SCD5: variants seen among roughly 807,000 people sequenced by gnomAD.
SCD5 encodes acyl-CoA-desaturase 4.
A neutral mutation model predicts 30.4 loss-of-function variants in SCD5; 20 were observed. The ratio of observed to expected loss-of-function variants is 0.66; its 90% CI spans 0.46 to 0.96. SCD5 has a LOEUF of 0.96. SCD5 is among the 40% of genes least tolerant of loss of function. SCD5 has a pLI of 0.00. For synonymous variants in SCD5, 173 were observed against 176.4 expected (o/e 0.98, Z 0.16); for missense variants, 381 against 443.3 (o/e 0.86, Z 1.26).
intron 1 of SCD5, among the ~76,000 whole-genome samples, chr4:82,797,162 C>T (rs1231903659): frequency 6.6e-6 from 1 of 152,150 alleles, no homozygotes; most frequent in African/African-American, 2.4e-5. Flanking sequence ...TTGCAGCTGG[C>T]ACCATGCCAA....
intron 3 of SCD5, among the ~76,000 whole-genome samples, chr4:82,664,991 C>CTATA (rs1373219675): frequency 1.4e-4 from 13 of 96,148 alleles, no homozygotes; most frequent in East Asian, 1.1e-3. Flanking sequence ...CTCTCTCTCT[C>CTATA]TCTCTCTCTA....
chr4:82,773,907 T>C (rs1234615160), intron 1 of SCD5, among the ~76,000 whole-genome samples: 3 of 152,042 alleles, frequency 2.0e-5, no homozygotes, highest in Admixed American at 6.5e-5. Flanking sequence ...CTAGCCAATA[T>C]GGTGAAACCT....
chr4:82,641,578 G>T (rs1215989758), intron 3 of SCD5, among the ~76,000 whole-genome samples: 1 of 152,222 alleles, frequency 6.6e-6, no homozygotes, highest in Non-Finnish European at 1.5e-5. Context: ...TGGGGGCAGG[G>T]GTACCCACAA....
At chr4:82,633,511 C>T (rs765556486) in intron 4 of SCD5, among the ~76,000 whole-genome samples, 23 of 152,142 alleles carry the variant, frequency 1.5e-4, no homozygotes, top group Admixed American at 5.2e-4. Context: ...AGTAGGATTG[C>T]GAGATCATAT....
At chr4:82,665,071 TATA>T (rs1204297479) in intron 3 of SCD5, among the ~76,000 whole-genome samples, 1 of 14,590 alleles carries the variant, frequency 6.9e-5, no homozygotes, top group African/African-American at 9.6e-4. Context: ...CATATATATA[TATA>T]TATTTTTTTT....
At chr4:82,677,664 A>G (rs1046940700) in intron 3 of SCD5, among the ~76,000 whole-genome samples, 4 of 152,184 alleles carry the variant, frequency 2.6e-5, no homozygotes, top group Non-Finnish European at 2.9e-5. Flanking sequence ...TATGTTCTCT[A>G]TGCTGTATAA....
intron 3 of SCD5, among the ~76,000 whole-genome samples, chr4:82,637,315 A>T (rs538358443): frequency 6.6e-6 from 1 of 152,246 alleles, no homozygotes; most frequent in Admixed American, 6.5e-5. Context: ...TCTTCCACCC[A>T]AAAACAAGTT....
chr4:82,782,207 T>A (rs1291198026), intron 1 of SCD5, among the ~76,000 whole-genome samples: 2 of 151,644 alleles, frequency 1.3e-5, no homozygotes, highest in Non-Finnish European at 2.9e-5. Flanking sequence ...GAGGGAAGTG[T>A]CTGCTCCTCT....
intron 1 of SCD5, among the ~76,000 whole-genome samples, chr4:82,765,380 T>G (rs1349517273): frequency 6.6e-6 from 1 of 152,186 alleles, no homozygotes; most frequent in African/African-American, 2.4e-5. Context: ...TTTTTTCCTC[T>G]GTCTATAGTA....
chr4:82,642,225 G>T lies in SCD5; in HGVS notation c.570-5402C>A, dbSNP rs150421793. Among the ~76,000 whole-genome samples, 27 of 152,212 alleles carry T rather than the reference G, an allele frequency of 1.8e-4. No individual in the cohort carries two copies. In the East Asian group the frequency reaches 5.0e-3, roughly 28 times the overall value. ...GGCCTTCCCCACAGCCACACCGGTT[G>T]TATACAGCATGGGCAGGTTTCAAAC... is the stretch of plus-strand genomic sequence containing the variant. On this transcript the variant is annotated intron_variant, in intron 3 of 4. Transcript: ENST00000319540.
chr4:82,697,121 AAAG>A (rs1178645239), intron 2 of SCD5, among the ~76,000 whole-genome samples: 2 of 152,244 alleles, frequency 1.3e-5, no homozygotes, highest in African/African-American at 4.8e-5. Flanking sequence ...ATCTTTAGGA[AAAG>A]AAGACAGGAT....
intron 3 of SCD5, among the ~76,000 whole-genome samples, chr4:82,642,078 C>A (rs1046081005): frequency 6.6e-6 from 1 of 151,718 alleles, no homozygotes; most frequent in Non-Finnish European, 1.5e-5. Context: ...AAGTTTGCAA[C>A]TCATCAGCAT....
chr4:82,709,883 C>A (rs937537292), intron 1 of SCD5, among the ~76,000 whole-genome samples: 1 of 152,246 alleles, frequency 6.6e-6, no homozygotes, highest in Admixed American at 6.5e-5. Context: ...GACTCACTGA[C>A]GGCCTGCCCT....
At chr4:82,665,047 T>C (rs200392183) in intron 3 of SCD5, among the ~76,000 whole-genome samples, 4 of 45,678 alleles carry the variant, frequency 8.8e-5, no homozygotes, top group South Asian at 8.8e-4. Flanking sequence ...CACACACACA[T>C]ATATACACAC....
chr4:82,794,650 A>ATTT (rs200270294), intron 1 of SCD5, among the ~76,000 whole-genome samples: 1 of 136,746 alleles, frequency 7.3e-6, no homozygotes, highest in Non-Finnish European at 1.6e-5. Flanking sequence ...CATTCTGTCC[A>ATTT]TTTTTTTTTT....
intron 1 of SCD5, among the ~76,000 whole-genome samples, chr4:82,796,178 G>A (rs1193015205): frequency 6.6e-6 from 1 of 151,728 alleles, no homozygotes; most frequent in Non-Finnish European, 1.5e-5. Context: ...GCTGAAGCAG[G>A]AGAATGGTGT....
chr4:82,738,095 T>A (rs1055118224), intron 1 of SCD5, among the ~76,000 whole-genome samples: 7 of 151,968 alleles, frequency 4.6e-5, no homozygotes, highest in Non-Finnish European at 8.8e-5. Flanking sequence ...AAATACTTGA[T>A]AAAAAAAGAA....
At chr4:82,720,961 G>A (rs1463886312) in intron 1 of SCD5, among the ~76,000 whole-genome samples, 1 of 152,058 alleles carries the variant, frequency 6.6e-6, no homozygotes, top group Admixed American at 6.6e-5. Flanking sequence ...AGGCCAACCT[G>A]GGCAAAACGG....
intron 2 of SCD5, among the ~76,000 whole-genome samples, chr4:82,693,132 C>A (rs1459557759): frequency 6.6e-6 from 1 of 152,102 alleles, no homozygotes; most frequent in African/African-American, 2.4e-5. Flanking sequence ...GCTCTGCTCC[C>A]GATTGTAGGG....
Sources: gnomAD v4.1 joint callset for allele counts (sites outside exome capture counted in the v4.1 genomes callset) on GRCh38, gnomAD v4.1.1 for gene constraint, MANE v1.5 for transcripts, NCBI Gene and HGNC (gene_info 2026-07-23, HGNC 2026-07-21) for gene names.